FMO2: variants seen among roughly 807,000 people sequenced by gnomAD.
FMO2 encodes flavin containing dimethylaniline monoxygenase 2.
FMO2 carries 33 observed loss-of-function variants against 41.6 expected under a neutral mutation model. That is an observed-to-expected ratio of 0.79 (90% CI 0.60 to 1.06). FMO2 has a LOEUF of 1.06. FMO2 is among the 50% of genes least tolerant of loss of function. FMO2 has a pLI of 0.00. For synonymous variants in FMO2, 214 were observed against 219.6 expected, an observed-to-expected ratio of 0.97 and a Z score of 0.23; for missense variants, 619 against 632.9, an observed-to-expected ratio of 0.98 and a Z score of 0.23.
chr1:171,190,084 T>G (rs1048314828), intron 2 of FMO2, among the ~76,000 whole-genome samples: 2 of 152,224 alleles, frequency 1.3e-5, no homozygotes, highest in African/African-American at 4.8e-5. Flanking sequence ...AGAAAAAGTT[T>G]AATTTGTAAG....
Position 171,209,376 on chromosome 1 carries a change from C to T in FMO2, c.*231C>T. 1 of 359,252 alleles carries T rather than the reference C, an allele frequency of 2.8e-6. No individual in the cohort carries two copies. The highest frequency in any genetic ancestry group is 4.9e-6 in the Non-Finnish European group (1 of 202,948). The allele number at this position is 359,252 out of a possible 1,614,324, so 22.3% of individuals were successfully genotyped here. ...CGCTTCCCTCAGTTCACCAAAGTTA[C>T]CAAAATGTAAAATAAAATAAGACTG... On this transcript the variant is annotated 3_prime_UTR_variant, in exon 9 of 9. Coordinates refer to ENST00000209929, the MANE Select transcript of FMO2 (RefSeq NM_001460.5).
intron 2 of FMO2, chr1:171,188,876 G>A (rs1306163874): frequency 6.6e-6 from 1 of 152,134 alleles, no homozygotes; most frequent in Non-Finnish European, 1.5e-5. Flanking sequence ...CCATGGGACG[G>A]GTAGGTAATT....
chr1:171,202,380 T>C (rs1397845258), intron 5 of FMO2, among the ~76,000 whole-genome samples: 1 of 151,932 alleles, frequency 6.6e-6, no homozygotes, highest in Non-Finnish European at 1.5e-5. Flanking sequence ...AGACCAGCAA[T>C]ATAGGAATGC....
rs776954636 is a variant in FMO2 at position 171,204,088 on chromosome 1, T to C, written c.827+24T>C. 1.1e-5 allele frequency: 17 copies of C among 1,581,768 alleles called. No individual in the cohort carries two copies. The South Asian group carries it at 1.1e-4, about 10-fold the overall frequency. ...AAGTAGAGTTATTTTGCTTTTTTAA[T>C]GGTATACTCGTTGGTGAGCAAAGTT... On this transcript the variant is annotated intron_variant, in intron 6 of 8. Coordinates refer to ENST00000209929, the MANE Select transcript of FMO2 (RefSeq NM_001460.5).
At chr1:171,193,568 T>A (rs1244466309) in intron 3 of FMO2, 45 bp downstream of exon 3, 1 of 1,231,988 alleles carries the variant, frequency 8.1e-7, no homozygotes, top group Non-Finnish European at 1.2e-6. Flanking sequence ...TTAGTTCAGC[T>A]CATATTTAGA....
At chr1:171,194,558 G>C (rs184252855) in intron 3 of FMO2, among the ~76,000 whole-genome samples, 2 of 152,186 alleles carry the variant, frequency 1.3e-5, no homozygotes, top group African/African-American at 4.8e-5. Context: ...AAGAGTCTGA[G>C]ACCAACCTGG....
intron 2 of FMO2, among the ~76,000 whole-genome samples, chr1:171,191,158 G>A (rs1172184172): frequency 6.6e-6 from 1 of 150,986 alleles, no homozygotes; most frequent in African/African-American, 2.4e-5. Flanking sequence ...AAAAAAAAAA[G>A]GGATTATCAC....
At chr1:171,208,720 C>G in intron 8 of FMO2, 74 bp from the exon 9 acceptor site, 1 of 1,338,028 alleles carries the variant, frequency 7.5e-7, no homozygotes. Context: ...ATTCCTTTAG[C>G]AGTTTTGAAT....
At chr1:171,189,146 C>T (rs1357255768) in intron 2 of FMO2, among the ~76,000 whole-genome samples, 1 of 152,094 alleles carries the variant, frequency 6.6e-6, no homozygotes, top group Non-Finnish European at 1.5e-5. Flanking sequence ...TTCTTTCAGC[C>T]GCTAACCTTC....
At chr1:171,200,819 T>C (rs183910158) in intron 5 of FMO2, among the ~76,000 whole-genome samples, 2 of 152,276 alleles carry the variant, frequency 1.3e-5, no homozygotes, top group Non-Finnish European at 2.9e-5. Context: ...AGAGCAGAGC[T>C]GGAAAATGAG....
rs140123466 is a variant in FMO2 at position 171,197,718 on chromosome 1, G to A, written c.484+907G>A. On this transcript the variant is annotated intron_variant, in intron 4 of 8. Coordinates refer to ENST00000209929, the MANE Select transcript of FMO2 (RefSeq NM_001460.5). ...CTCAAGAATGGATTAAGCCATTTGT[G>A]GATAAATAGGTTAATGGATTATTGG... is the stretch of plus-strand genomic sequence containing the variant. 5.2e-3 allele frequency among the ~76,000 whole-genome samples: 792 copies of A among 152,292 alleles called. 3 individuals carry two copies. The highest frequency in any genetic ancestry group is 0.014 in the Middle Eastern group (4 of 294).
Position 171,191,399 on chromosome 1 carries a change from T to C in FMO2, c.133-1936T>C, listed in dbSNP as rs920304235. Among the ~76,000 whole-genome samples, 11 of 152,192 alleles carry C rather than the reference T, an allele frequency of 7.2e-5. 1 individual carries two copies. Among genetic ancestry groups the C allele is most frequent in the Non-Finnish European group, 1.6e-4 (11 of 68,022 alleles). Reference sequence around the variant, plus strand: ...AAAAACTAGCATTTTGGCTGTAGTATAACAGTCTTAGTTTAACTGATTCAA... The same window carrying C: ...AAAAACTAGCATTTTGGCTGTAGTACAACAGTCTTAGTTTAACTGATTCAA... On this transcript the variant is annotated intron_variant, in intron 2 of 8. Coordinates refer to ENST00000209929, the MANE Select transcript of FMO2 (RefSeq NM_001460.5).
intron 2 of FMO2, among the ~76,000 whole-genome samples, chr1:171,191,860 CAAAAAAA>C (rs61114452): frequency 1.1e-4 from 8 of 73,766 alleles, no homozygotes; most frequent in African/African-American, 2.7e-4. Context: ...CTCATCTCTA[CAAAAAAA>C]AAAAAAAAAA....
Position 171,212,273 on chromosome 1 carries a change from A to G in FMO2, c.*3128A>G, listed in dbSNP as rs1659012148. Reference sequence around the variant, plus strand: ...AAGTTTGGCTCCCTCTTTTCCTCACACACTCTTTTTCCCTTCTGCCTTCAC... The same window carrying G: ...AAGTTTGGCTCCCTCTTTTCCTCACGCACTCTTTTTCCCTTCTGCCTTCAC... On this transcript the variant is annotated 3_prime_UTR_variant, in exon 9 of 9. Transcript: ENST00000209929. 6.6e-6 allele frequency among the ~76,000 whole-genome samples: 1 copy of G among 152,110 alleles called. No individual in the cohort carries two copies. Among genetic ancestry groups the G allele is most frequent in the Non-Finnish European group, 1.5e-5 (1 of 68,028 alleles).
intron 3 of FMO2, among the ~76,000 whole-genome samples, chr1:171,194,908 T>G (rs943427589): frequency 2.6e-5 from 4 of 152,372 alleles, no homozygotes; most frequent in Admixed American, 2.6e-4. Flanking sequence ...ATAAATTCCA[T>G]TAAAATGTCC....
In FMO2 at chr1:171,196,835, C is replaced by T. The variant is rs1167623919; in HGVS notation, c.484+24C>T. ...AGGTGAGACCCGCTGGGATTCCCAG[C>T]TTTTTGGAGTAGGTTTCCAGGTACT... On this transcript the variant is annotated intron_variant, in intron 4 of 8. Coordinates refer to ENST00000209929, the MANE Select transcript of FMO2 (RefSeq NM_001460.5). 2.5e-6 allele frequency: 4 copies of T among 1,605,304 alleles called. No homozygotes were observed. In the African/African-American group the frequency reaches 4.0e-5, roughly 16 times the overall value.
intron 5 of FMO2, among the ~76,000 whole-genome samples, chr1:171,201,197 GC>G (rs1156983617): frequency 6.6e-6 from 1 of 152,046 alleles, no homozygotes; most frequent in Non-Finnish European, 1.5e-5. Flanking sequence ...GCCACTAGAT[GC>G]CCCCTTTTTA....
At position 171,205,551 on chromosome 1, in the gene FMO2, C is replaced by T. The variant is rs374258048; in HGVS notation, c.1100C>T (p.Ala367Val). The change falls in exon 7 of 9, where the codon GCG becomes GTG. Residue 367 changes from alanine (A) to valine (V), a missense_variant. By Grantham distance (64) the Ala-to-Val change is moderately conservative (BLOSUM62 0). Transcript: ENST00000209929. ...FPAHLDKSTL[A>V]CIGLIQPLGS... ...GCTCACCTGGACAAGTCAACCCTCGCGTGCATTGGTCTCATCCAGCCCCTA... is the reference window on the plus strand; with the variant it reads ...GCTCACCTGGACAAGTCAACCCTCGTGTGCATTGGTCTCATCCAGCCCCTA... 3.7e-5 allele frequency: 60 copies of T among 1,613,758 alleles called. No homozygotes were observed. The highest frequency in any genetic ancestry group is 4.7e-5 in the Non-Finnish European group (55 of 1,179,870).
At chr1:171,192,915 A>G (rs927410946) in intron 2 of FMO2, among the ~76,000 whole-genome samples, 12 of 152,090 alleles carry the variant, frequency 7.9e-5, no homozygotes, top group Non-Finnish European at 2.9e-5. Context: ...GAAATTCTCT[A>G]TTATGTTCTC....
Sources: gnomAD v4.1 joint callset for allele counts (sites outside exome capture counted in the v4.1 genomes callset) on GRCh38, gnomAD v4.1.1 for gene constraint, MANE v1.5 for transcripts, NCBI Gene and HGNC (gene_info 2026-07-23, HGNC 2026-07-21) for gene names.